The following ELK3 variants were observed in gnomAD, a reference collection of about 807,000 sequenced individuals.
ELK3 encodes ETS transcription factor ELK3.
A neutral mutation model predicts 28.9 loss-of-function variants in ELK3; 10 were observed. The observed-to-expected ratio is 0.35, with a 90% CI of 0.21 to 0.59. The LOEUF (loss-of-function observed/expected upper bound fraction) is 0.59. Ranked by LOEUF, ELK3 falls within the 20% of genes least tolerant of loss-of-function variation. The probability of loss-of-function intolerance (pLI) is 0.82; values close to 1 mark genes in which losing one functional copy is unlikely to be tolerated. For synonymous variants in ELK3, 272 were observed against 243.5 expected (o/e 1.12, Z -1.09); for missense variants, 463 against 517.3 (o/e 0.90, Z 1.02).
chr12:96,259,749 C>T lies in ELK3; in HGVS notation c.1021C>T (p.Leu341=), dbSNP rs765025265. 4 of 1,610,098 alleles carry T rather than the reference C, an allele frequency of 2.5e-6. No homozygotes were observed. The South Asian group carries it at 4.4e-5, about 18-fold the overall frequency. Residue 341 remains leucine, a synonymous_variant, in exon 4 of 5, where the codon CTG becomes TTG. Coordinates refer to ENST00000228741, the MANE Select transcript of ELK3 (RefSeq NM_005230.4). ...TTCCCAGACACCAAATGGATTGCTT[C>T]TGACTCCGAGTCCACTGCTCTCCAG... The part of the protein sequence containing the change: ...FTAQTPNGLL[L]TPSPLLSSIH...
At chr12:96,229,820 G>A (rs772538745) in intron 2 of ELK3, among the ~76,000 whole-genome samples, 1 of 152,004 alleles carries the variant, frequency 6.6e-6, no homozygotes, top group African/African-American at 2.4e-5. Context: ...GTGAGCCACC[G>A]TGCCTGGCCG....
rs1951446945 is a variant in ELK3, at chr12:96,194,512, T to G, written c.-196T>G. ...AAGTGAGCCGGCTCGGCCTGACTGC[T>G]CCAACTTCCTGCTCTCACACACACC... On this transcript the variant is annotated 5_prime_UTR_variant, in exon 1 of 5. Coordinates refer to ENST00000228741, the MANE Select transcript of ELK3 (RefSeq NM_005230.4). The G allele has an allele frequency of 6.7e-6, 1 of 148,856 alleles. No individual in the cohort carries two copies. Among genetic ancestry groups the G allele is most frequent in the Non-Finnish European group, 1.5e-5 (1 of 67,208 alleles). The allele number at this position is 148,856 out of a possible 1,614,324, so 9.2% of individuals were successfully genotyped here. A position where few individuals can be genotyped will look rare whatever the true frequency, so the allele number is the denominator to read the frequency against.
At chr12:96,226,903 G>A (rs1043914179) in intron 2 of ELK3, among the ~76,000 whole-genome samples, 4 of 151,998 alleles carry the variant, frequency 2.6e-5, no homozygotes, top group African/African-American at 4.8e-5. Flanking sequence ...AAGAAGAGGA[G>A]GCATGTCAAA....
At chr12:96,226,624 GCACA>G (rs1565782818) in intron 2 of ELK3, among the ~76,000 whole-genome samples, 2 of 151,624 alleles carry the variant, frequency 1.3e-5, no homozygotes, top group Middle Eastern at 3.4e-3. Context: ...ATGCACACAG[GCACA>G]CACACCCACT....
chr12:96,210,559 G>GCACACACACACACACACACA (rs199706864), intron 1 of ELK3, among the ~76,000 whole-genome samples: 1 of 143,058 alleles, frequency 7.0e-6, no homozygotes, highest in African/African-American at 2.6e-5. Context: ...CTGCGCGCGG[G>GCACACACACACACACACACA]CGCACGCACA....
chr12:96,217,505 G>C (rs1023639999), intron 1 of ELK3, among the ~76,000 whole-genome samples: 1 of 152,134 alleles, frequency 6.6e-6, no homozygotes, highest in Non-Finnish European at 1.5e-5. Context: ...CTATTATTCA[G>C]ATGCTTTTTT....
chr12:96,239,136 G>A (rs1951803002), intron 2 of ELK3, among the ~76,000 whole-genome samples: 1 of 152,110 alleles, frequency 6.6e-6, no homozygotes, highest in South Asian at 2.1e-4. Flanking sequence ...ATTCTTTAAT[G>A]TGAAAATACA....
intron 1 of ELK3, among the ~76,000 whole-genome samples, chr12:96,207,495 A>G (rs953107441): frequency 5.3e-5 from 8 of 152,236 alleles, no homozygotes; most frequent in African/African-American, 1.4e-4. Context: ...ATGTATTACC[A>G]TACCAGATTT....
chr12:96,205,715 G>A (rs921556284), intron 1 of ELK3, among the ~76,000 whole-genome samples: 1 of 152,162 alleles, frequency 6.6e-6, no homozygotes, highest in Non-Finnish European at 1.5e-5. Flanking sequence ...CCGAGTGAGG[G>A]TTAGAACTGA....
intron 3 of ELK3, among the ~76,000 whole-genome samples, chr12:96,250,142 T>C (rs1951892330): frequency 6.6e-6 from 1 of 152,172 alleles, no homozygotes; most frequent in African/African-American, 2.4e-5. Context: ...GGCAGTCCTC[T>C]AAACCACGCA....
rs374036562 is a variant in ELK3, at chr12:96,267,185, G to A, written c.*5G>A. On this transcript the variant is annotated 3_prime_UTR_variant, in exon 5 of 5. Coordinates refer to ENST00000228741, the MANE Select transcript of ELK3 (RefSeq NM_005230.4). ...TCAAACTCTCAGAAATCCTGATGAC[G>A]TCTGGCCACAATTAAGGACTCATTA... 4.0e-5 allele frequency: 64 copies of A among 1,610,458 alleles called. No homozygotes were observed. In the African/African-American group the frequency reaches 4.5e-4, roughly 11 times the overall value.
At chr12:96,220,745 C>G (rs986834563) in intron 1 of ELK3, among the ~76,000 whole-genome samples, 1 of 152,118 alleles carries the variant, frequency 6.6e-6, no homozygotes, top group Non-Finnish European at 1.5e-5. Flanking sequence ...AGCACCCCAG[C>G]AAAGGGAGAA....
chr12:96,246,868 A>G, intron 2 of ELK3, 72 bp from the exon 3 acceptor site: 1 of 1,459,604 alleles, frequency 6.9e-7, no homozygotes, highest in Non-Finnish European at 9.2e-7. Context: ...AGCGACATTT[A>G]CCATTATCAT....
At chr12:96,233,874 G>A (rs1329511653) in intron 2 of ELK3, among the ~76,000 whole-genome samples, 1 of 152,210 alleles carries the variant, frequency 6.6e-6, no homozygotes, top group Non-Finnish European at 1.5e-5. Flanking sequence ...CTGGGTGTGA[G>A]TGTTGAGGGC....
At chr12:96,262,912 G>A (rs997598813) in intron 4 of ELK3, among the ~76,000 whole-genome samples, 4 of 151,600 alleles carry the variant, frequency 2.6e-5, no homozygotes, top group African/African-American at 9.7e-5. Flanking sequence ...TTCAGCCTCT[G>A]GAGTAGCTGG....
At chr12:96,228,442 A>AAAAG (rs761298726) in intron 2 of ELK3, among the ~76,000 whole-genome samples, 9 of 142,646 alleles carry the variant, frequency 6.3e-5, no homozygotes, top group South Asian at 2.3e-4. Flanking sequence ...AAAAAAAAAA[A>AAAAG]AAGAAGATCA....
At chr12:96,260,996 G>A (rs1951988969) in intron 4 of ELK3, among the ~76,000 whole-genome samples, 1 of 152,204 alleles carries the variant, frequency 6.6e-6, no homozygotes, top group African/African-American at 2.4e-5. Context: ...TGGTACACAA[G>A]TGAGGCTCAG....
In ELK3 at chr12:96,247,397, T is replaced by C; in HGVS notation, c.665T>C (p.Ile222Thr). 6.2e-7 allele frequency: 1 copy of C among 1,613,984 alleles called. No individual in the cohort carries two copies. Among genetic ancestry groups the C allele is most frequent in the Non-Finnish European group, 8.5e-7 (1 of 1,179,994 alleles). Residue 222 changes from isoleucine (I) to threonine (T), a missense_variant, in exon 3 of 5, where the codon ATC becomes ACC. Ile to Thr is a moderately conservative substitution (Grantham distance 89). Around this residue, in one of 2 missense-constraint regions of ELK3, gnomAD observed 408 missense variants for 414.8 expected, o/e 0.98. Coordinates refer to ENST00000228741, the MANE Select transcript of ELK3 (RefSeq NM_005230.4). This position sits in a 1 kb window ranked among gnomAD's most constrained non-coding sequence, Gnocchi z 5.5. ...AFLASSVSAK[I>T]SSLMLPNAAS... is the part of the protein sequence containing the mutation. ...CTGGCCTCGTCCGTCTCGGCCAAGA[T>C]CTCCTCTTTAATGTTGCCAAACGCT... is the stretch of plus-strand genomic sequence containing the variant.
At chr12:96,203,755 A>G (rs889730453) in intron 1 of ELK3, among the ~76,000 whole-genome samples, 8 of 152,226 alleles carry the variant, frequency 5.3e-5, no homozygotes, top group Non-Finnish European at 8.8e-5. Flanking sequence ...AGCCTGGCCA[A>G]CATGGTGAAA....
Sources: allele counts gnomAD v4.1 joint callset (sites outside exome capture counted in the v4.1 genomes callset), GRCh38; gene constraint gnomAD v4.1.1; regional missense constraint gnomAD v4.1.1; non-coding constraint Gnocchi (gnomAD v3.1); transcripts MANE v1.5; gene names NCBI Gene and HGNC (gene_info 2026-07-23, HGNC 2026-07-21).